Variants in ADGRB3 observed in about 807,000 individuals in gnomAD.
The protein encoded by ADGRB3 is adhesion G protein-coupled receptor B3, also known as brain-specific angiogenesis inhibitor 3.
ADGRB3 carries 37 observed loss-of-function variants against 193.4 expected under a neutral mutation model. The observed-to-expected ratio is 0.19, with a 90% CI of 0.15 to 0.25. The LOEUF (loss-of-function observed/expected upper bound fraction) is 0.25, where lower values mean the gene tolerates loss of function less well. Among genes scored for constraint, ADGRB3 ranks in the 10% least tolerant of loss-of-function variants. The pLI is 1.00. For missense variants in ADGRB3, 1,637 were observed against 1,852.9 expected (o/e 0.88, Z 2.14); for synonymous variants, 690 against 644.2 (o/e 1.07, Z -1.08).
chr6:68,807,221 C>CT (rs1767418105), intron 3 of ADGRB3, among the ~76,000 whole-genome samples: 1 of 105,540 alleles, frequency 9.5e-6, no homozygotes, highest in South Asian at 3.1e-4. Flanking sequence ...TTTTCTTTTT[C>CT]TTTTTTCTTT....
At chr6:68,969,529 G>A (rs1021262278) in intron 8 of ADGRB3, among the ~76,000 whole-genome samples, 3 of 152,134 alleles carry the variant, frequency 2.0e-5, no homozygotes, top group South Asian at 2.1e-4. Context: ...TACTGGAGAA[G>A]CATGGGAGGG....
intron 30 of ADGRB3, among the ~76,000 whole-genome samples, chr6:69,374,986 G>A (rs750577788): frequency 1.4e-4 from 21 of 152,196 alleles, no homozygotes; most frequent in Middle Eastern, 3.4e-3. Context: ...ATGGCAGGTA[G>A]AAATTCCAGG....
chr6:69,309,808 C>T (rs1359171156), intron 20 of ADGRB3, among the ~76,000 whole-genome samples: 3 of 151,536 alleles, frequency 2.0e-5, no homozygotes, highest in South Asian at 2.1e-4. Flanking sequence ...ACTACTGCCA[C>T]GCTTCACCTC....
At chr6:69,203,554 C>T (rs796612624) in intron 17 of ADGRB3, among the ~76,000 whole-genome samples, 76 of 151,934 alleles carry the variant, frequency 5.0e-4, no homozygotes, top group African/African-American at 1.8e-3. Flanking sequence ...TAAAAGCTCT[C>T]AATATTGCAC....
At chr6:68,781,054 CAA>C (rs1766843160) in intron 3 of ADGRB3, among the ~76,000 whole-genome samples, 1 of 152,154 alleles carries the variant, frequency 6.6e-6, no homozygotes, top group East Asian at 1.9e-4. Context: ...GTTTTATCCT[CAA>C]GTTGATAATA....
intron 17 of ADGRB3, among the ~76,000 whole-genome samples, chr6:69,198,760 A>C (rs1676470456): frequency 6.6e-6 from 1 of 152,110 alleles, no homozygotes; most frequent in Admixed American, 6.6e-5. Context: ...TGACTGTACT[A>C]GGAATCCCCT....
chr6:68,639,537 C>A, intron 3 of ADGRB3, 105 bp downstream of exon 3: 1 of 1,339,664 alleles, frequency 7.5e-7, no homozygotes, highest in Non-Finnish European at 9.9e-7. Context: ...CCTTTATTGT[C>A]ACTTTTTGAT....
At chr6:69,266,545 G>T (rs533864975) in intron 20 of ADGRB3, among the ~76,000 whole-genome samples, 1 of 151,864 alleles carries the variant, frequency 6.6e-6, no homozygotes, top group Admixed American at 6.6e-5. Context: ...TTTATTTAGG[G>T]TATTAATCTG....
At chr6:69,347,791 GAA>G (rs999234254) in intron 26 of ADGRB3, among the ~76,000 whole-genome samples, 1 of 145,828 alleles carries the variant, frequency 6.9e-6, no homozygotes, top group Non-Finnish European at 1.5e-5. Context: ...TCTCTAAAAA[GAA>G]AAAAAAAATA....
chr6:68,743,001 C>G (rs1466599290), intron 3 of ADGRB3, among the ~76,000 whole-genome samples: 2 of 151,922 alleles, frequency 1.3e-5, no homozygotes, highest in Non-Finnish European at 2.9e-5. Flanking sequence ...TCTTACAGCT[C>G]AGTTTACCAG....
intron 20 of ADGRB3, among the ~76,000 whole-genome samples, chr6:69,297,506 A>T (rs2127295217): frequency 6.6e-6 from 1 of 151,922 alleles, no homozygotes; most frequent in African/African-American, 2.4e-5. Context: ...AGCAAAGGTG[A>T]TAGCTCCAAG....
At chr6:69,007,637 C>A (rs564681038) in intron 11 of ADGRB3, among the ~76,000 whole-genome samples, 1 of 150,756 alleles carries the variant, frequency 6.6e-6, no homozygotes, top group African/African-American at 2.4e-5. Flanking sequence ...TTAGAAAGTT[C>A]TTTCCTGATG....
chr6:69,023,527 G>GA (rs1320038504), intron 13 of ADGRB3, among the ~76,000 whole-genome samples: 3 of 152,100 alleles, frequency 2.0e-5, no homozygotes, highest in East Asian at 1.9e-4. Context: ...TGTGCTTGGG[G>GA]AAAAAAATGG....
intron 17 of ADGRB3, among the ~76,000 whole-genome samples, chr6:69,097,696 A>ATG (rs140955477): frequency 0.16 from 23,741 of 150,698 alleles, 2,401 homozygotes; most frequent in Non-Finnish European, 0.22. Flanking sequence ...GTGTGTATAT[A>ATG]TGTGTGTGTG....
intron 3 of ADGRB3, among the ~76,000 whole-genome samples, chr6:68,653,370 AG>A (rs1385452205): frequency 1.3e-5 from 2 of 152,082 alleles, no homozygotes; most frequent in Non-Finnish European, 2.9e-5. Flanking sequence ...ATTGGGGAAC[AG>A]TTGTGGTGTG....
At chr6:68,850,587 G>A (rs1330888138) in intron 3 of ADGRB3, among the ~76,000 whole-genome samples, 1 of 151,894 alleles carries the variant, frequency 6.6e-6, no homozygotes, top group Non-Finnish European at 1.5e-5. Context: ...GTATACTTCT[G>A]ATGTTCAGAT....
intron 3 of ADGRB3, among the ~76,000 whole-genome samples, chr6:68,881,218 C>T (rs1443283356): frequency 6.6e-6 from 1 of 151,300 alleles, no homozygotes; most frequent in East Asian, 1.9e-4. Flanking sequence ...GGATATTTTA[C>T]ATATTTAGCA....
At chr6:68,747,423 T>C (rs1766106163) in intron 3 of ADGRB3, among the ~76,000 whole-genome samples, 1 of 152,226 alleles carries the variant, frequency 6.6e-6, no homozygotes, top group African/African-American at 2.4e-5. Context: ...ATGGATCAAT[T>C]GATAAAGAAC....
intron 18 of ADGRB3, 96 bp from the exon 19 acceptor site, chr6:69,234,936 C>T: frequency 1.1e-6 from 1 of 898,888 alleles, no homozygotes; most frequent in South Asian, 1.5e-5. Context: ...ACTATATAGG[C>T]TATTTTTGAG....
Sources: gnomAD v4.1 joint callset for allele counts (sites outside exome capture counted in the v4.1 genomes callset) on GRCh38, gnomAD v4.1.1 for gene constraint, MANE v1.5 for transcripts, NCBI Gene and HGNC (gene_info 2026-07-23, HGNC 2026-07-21) for gene names.